Variants in SMIM23 observed in about 807,000 individuals in gnomAD.
SMIM23 encodes small integral membrane protein 23.
Under a neutral mutation model 12.8 loss-of-function variants are expected in SMIM23, and 10 were observed. The ratio of observed to expected loss-of-function variants is 0.78; its 90% confidence interval spans 0.48 to 1.32. The LOEUF (loss-of-function observed/expected upper bound fraction) is 1.32. SMIM23 is among the 40% of genes most tolerant of loss of function. The probability of loss-of-function intolerance (pLI) is 0.00; values close to 1 mark genes in which losing one functional copy is unlikely to be tolerated. For synonymous variants in SMIM23, 78 were observed against 80.1 expected (o/e 0.97, Z 0.14); for missense variants, 184 against 198.2 (o/e 0.93, Z 0.43).
upstream of SMIM23, among the ~76,000 whole-genome samples, chr5:171,785,353 A>T (rs1378572721): frequency 6.6e-6 from 1 of 152,028 alleles, no homozygotes; most frequent in Non-Finnish European, 1.5e-5. Flanking sequence ...ACTGCATGTG[A>T]ATCCACAATT....
At chr5:171,773,586 G>GA in the SMIM23 span, 2 of 338,164 alleles carry the variant, frequency 5.9e-6, no homozygotes, top group Non-Finnish European at 1.1e-5. Context: ...AAAATGCACA[G>GA]AAAATGTTTG....
At chr5:171,774,330 C>T in the SMIM23 span, 1 of 444,246 alleles carries the variant, frequency 2.3e-6, no homozygotes, top group South Asian at 1.6e-5. Context: ...TAATGTTGTT[C>T]CTGTTCTACA....
At chr5:171,778,564 G>A (rs1425619725), upstream of SMIM23, among the ~76,000 whole-genome samples, 1 of 151,882 alleles carries the variant, frequency 6.6e-6, no homozygotes, top group African/African-American at 2.4e-5. Flanking sequence ...GTAGCCACAA[G>A]CTAAGGAATG....
At chr5:171,785,060 T>C (rs1755789567), upstream of SMIM23, among the ~76,000 whole-genome samples, 1 of 152,144 alleles carries the variant, frequency 6.6e-6, no homozygotes. Context: ...GCAGCAGCCA[T>C]CACGAAGCAG....
At chr5:171,781,914 A>C (rs1017507218), upstream of SMIM23, among the ~76,000 whole-genome samples, 11 of 152,234 alleles carry the variant, frequency 7.2e-5, no homozygotes, top group Admixed American at 7.2e-4. Context: ...ATGCACAGTC[A>C]GTGCTCTGTG....
the SMIM23 span, among the ~76,000 whole-genome samples, chr5:171,775,479 T>A: frequency 6.6e-6 from 1 of 152,106 alleles, no homozygotes; most frequent in Non-Finnish European, 1.5e-5. Context: ...AACACAGTGG[T>A]CCTCCCCATC....
upstream of SMIM23, among the ~76,000 whole-genome samples, chr5:171,780,083 G>A (rs1359796011): frequency 6.6e-6 from 1 of 152,216 alleles, no homozygotes; most frequent in Non-Finnish European, 1.5e-5. Flanking sequence ...GTGTTTGGGA[G>A]ACAGGACTCA....
chr5:171,783,685 A>T (rs377216071), upstream of SMIM23, among the ~76,000 whole-genome samples: 1 of 152,380 alleles, frequency 6.6e-6, no homozygotes, highest in East Asian at 1.9e-4. Flanking sequence ...AGCACAATTC[A>T]TAAAAGAAAA....
chr5:171,788,040 G>T (rs1461332228), intron 1 of SMIM23, among the ~76,000 whole-genome samples: 1 of 151,056 alleles, frequency 6.6e-6, no homozygotes, highest in African/African-American at 2.4e-5. Flanking sequence ...TTTAGTACTG[G>T]GTCTAAATGT....
At chr5:171,785,620 AATC>A (rs529898773), upstream of SMIM23, among the ~76,000 whole-genome samples, 46 of 152,320 alleles carry the variant, frequency 3.0e-4, 1 homozygote, top group South Asian at 5.2e-3. Flanking sequence ...TAATCAGAAA[AATC>A]ATCATCCTGA....
At chr5:171,774,542 G>A in the SMIM23 span, 1 of 456,176 alleles carries the variant, frequency 2.2e-6, no homozygotes, top group Non-Finnish European at 4.4e-6. Context: ...TTGTGGGTTT[G>A]AAGTTCCTTG....
rs556125088 is a variant in SMIM23, at chr5:171,786,792, A to G, written c.105+816A>G. 4.6e-5 allele frequency among the ~76,000 whole-genome samples: 7 copies of G among 152,252 alleles called. No homozygotes were observed. The East Asian group carries it at 1.2e-3, about 25-fold the overall frequency. On this transcript the variant is annotated intron_variant, in intron 1 of 3. Coordinates refer to ENST00000523047, the MANE Select transcript of SMIM23 (RefSeq NM_001289970.2). Reference sequence around the variant, plus strand: ...TGCGGCTTTTCCTAAAAAGTGTTCCATAGACACCAGACCCCAGGAATGCTC... The same window carrying G: ...TGCGGCTTTTCCTAAAAAGTGTTCCGTAGACACCAGACCCCAGGAATGCTC...
upstream of SMIM23, among the ~76,000 whole-genome samples, chr5:171,781,536 T>G (rs1755725309): frequency 2.5e-5 from 3 of 121,628 alleles, no homozygotes; most frequent in South Asian, 7.1e-4. Flanking sequence ...CTCTGAGAAG[T>G]GCCCCCCCCC....
chr5:171,777,332 G>A, the SMIM23 span, among the ~76,000 whole-genome samples: 2 of 152,234 alleles, frequency 1.3e-5, no homozygotes, highest in African/African-American at 4.8e-5. Flanking sequence ...TCGCCAGAGC[G>A]GGTATGCAAT....
chr5:171,785,806 G>A (rs575383887), upstream of SMIM23: 13 of 1,292,392 alleles, frequency 1.0e-5, no homozygotes, highest in African/African-American at 2.9e-5. Flanking sequence ...GACCACAGGT[G>A]GGGGAGGGGA....
the SMIM23 span, among the ~76,000 whole-genome samples, chr5:171,773,125 C>G: frequency 1.3e-5 from 2 of 152,182 alleles, no homozygotes; most frequent in Admixed American, 6.5e-5. Context: ...GTCAACAGAC[C>G]TGGGTTCGAA....
the SMIM23 span, among the ~76,000 whole-genome samples, chr5:171,773,258 G>A: frequency 2.0e-5 from 3 of 152,214 alleles, no homozygotes; most frequent in African/African-American, 7.2e-5. Flanking sequence ...GGTGGTGGGG[G>A]CTCAATGAGA....
At chr5:171,784,872 A>G (rs761938666), upstream of SMIM23, among the ~76,000 whole-genome samples, 1 of 152,238 alleles carries the variant, frequency 6.6e-6, no homozygotes, top group Admixed American at 6.5e-5. Context: ...CTACTGATAC[A>G]TGCAACAAAT....
the SMIM23 span, among the ~76,000 whole-genome samples, chr5:171,772,766 C>G: frequency 6.6e-6 from 1 of 152,176 alleles, no homozygotes; most frequent in African/African-American, 2.4e-5. Context: ...CTTTCCCACC[C>G]TCCACCCTAA....
Sources: allele counts gnomAD v4.1 joint callset (sites outside exome capture counted in the v4.1 genomes callset), GRCh38; gene constraint gnomAD v4.1.1; transcripts MANE v1.5; gene names NCBI Gene and HGNC (gene_info 2026-07-23, HGNC 2026-07-21).